The following ARB2A variants were observed in gnomAD, a reference collection of about 807,000 sequenced individuals.
The protein encoded by ARB2A is ARB2 cotranscriptional regulator A.
the ARB2A span, among the ~76,000 whole-genome samples, chr5:93,658,355 G>A: frequency 6.6e-6 from 1 of 151,958 alleles, no homozygotes; most frequent in South Asian, 2.1e-4. Flanking sequence ...AATCAATGTG[G>A]CCTCCCATGT....
At chr5:93,884,307 T>C in the ARB2A span, among the ~76,000 whole-genome samples, 2 of 151,602 alleles carry the variant, frequency 1.3e-5, no homozygotes, top group South Asian at 4.1e-4. Context: ...AAATCATAGA[T>C]TGAAAAATTA....
At chr5:93,881,508 G>A in the ARB2A span, 2 of 1,610,464 alleles carry the variant, frequency 1.2e-6, no homozygotes, top group South Asian at 1.1e-5. Flanking sequence ...TCTCTTTGGG[G>A]GTTACGATAC....
the ARB2A span, chr5:93,736,739 G>T: frequency 6.6e-6 from 1 of 152,004 alleles, no homozygotes; most frequent in African/African-American, 2.4e-5. Flanking sequence ...TTATTCCAGA[G>T]AAACTGTCAA....
the ARB2A span, chr5:93,861,830 C>CTTTTTTTT: frequency 6.6e-6 from 1 of 152,158 alleles, no homozygotes. Flanking sequence ...AATCCAGCCA[C>CTTTTTTTT]ATTTAAGTCT....
chr5:93,827,570 T>C, the ARB2A span, among the ~76,000 whole-genome samples: 1 of 152,184 alleles, frequency 6.6e-6, no homozygotes, highest in African/African-American at 2.4e-5. Flanking sequence ...GATGGTAGTT[T>C]CTTTTGCTGT....
chr5:93,747,479 A>G, the ARB2A span, among the ~76,000 whole-genome samples: 1 of 152,156 alleles, frequency 6.6e-6, no homozygotes, highest in African/African-American at 2.4e-5. Context: ...GTAGTACCAG[A>G]CAAAAAATTC....
the ARB2A span, among the ~76,000 whole-genome samples, chr5:93,970,156 T>TA: frequency 6.6e-6 from 1 of 152,014 alleles, no homozygotes; most frequent in Non-Finnish European, 1.5e-5. Context: ...CTACATAAGA[T>TA]AAAAAATTTC....
At chr5:93,809,971 T>C in the ARB2A span, among the ~76,000 whole-genome samples, 1 of 152,084 alleles carries the variant, frequency 6.6e-6, no homozygotes, top group Admixed American at 6.6e-5. Context: ...GTGATAAGCA[T>C]TGAGTAATGA....
the ARB2A span, among the ~76,000 whole-genome samples, chr5:93,832,270 T>C: frequency 6.6e-6 from 1 of 152,088 alleles, no homozygotes; most frequent in African/African-American, 2.4e-5. Flanking sequence ...GGCTTAAAAA[T>C]CTTATACCCC....
chr5:94,089,484 T>C, the ARB2A span, among the ~76,000 whole-genome samples: 10 of 152,168 alleles, frequency 6.6e-5, no homozygotes, highest in Non-Finnish European at 5.9e-5. Context: ...TATCGATAAA[T>C]TCGGACAGCT....
the ARB2A span, chr5:93,740,674 C>A: frequency 6.2e-7 from 1 of 1,613,910 alleles, no homozygotes; most frequent in Non-Finnish European, 8.5e-7. Flanking sequence ...CACTGGGAGC[C>A]CCAGTCCCAG....
the ARB2A span, among the ~76,000 whole-genome samples, chr5:94,089,321 G>A: frequency 6.6e-6 from 1 of 152,104 alleles, no homozygotes; most frequent in Non-Finnish European, 1.5e-5. Context: ...GACTGACAAA[G>A]AACTAGCACT....
At chr5:94,096,804 C>T in the ARB2A span, among the ~76,000 whole-genome samples, 2 of 152,014 alleles carry the variant, frequency 1.3e-5, no homozygotes, top group South Asian at 2.1e-4. Context: ...AGAGAAAGGA[C>T]GCAGACCCTG....
the ARB2A span, among the ~76,000 whole-genome samples, chr5:94,085,158 T>C: frequency 2.0e-5 from 3 of 152,240 alleles, no homozygotes; most frequent in African/African-American, 4.8e-5. Flanking sequence ...CACTACCTGA[T>C]CTTATACATG....
chr5:93,810,984 A>G, the ARB2A span, among the ~76,000 whole-genome samples: 3 of 152,172 alleles, frequency 2.0e-5, no homozygotes, highest in Non-Finnish European at 4.4e-5. Context: ...TAAGGGCTAC[A>G]TGAGTTAATA....
chr5:93,722,224 G>C, the ARB2A span, among the ~76,000 whole-genome samples: 2 of 152,110 alleles, frequency 1.3e-5, no homozygotes, highest in Non-Finnish European at 2.9e-5. Flanking sequence ...TGGATTTAAA[G>C]TCTGTGCTCT....
chr5:93,740,344 C>T, the ARB2A span: 1 of 513,922 alleles, frequency 1.9e-6, no homozygotes, highest in Admixed American at 3.5e-5. Flanking sequence ...ACCTTTAAAC[C>T]AATGCTAGGG....
the ARB2A span, among the ~76,000 whole-genome samples, chr5:93,803,821 C>T: frequency 0.044 from 6,600 of 151,720 alleles, 191 homozygotes; most frequent in Non-Finnish European, 0.061. Context: ...GAATAAACGT[C>T]CCTGGTCAGG....
chr5:94,026,763 G>T, the ARB2A span, among the ~76,000 whole-genome samples: 1 of 152,118 alleles, frequency 6.6e-6, no homozygotes, highest in Non-Finnish European at 1.5e-5. Context: ...TGGCTTGAAG[G>T]TTGGGTTTAA....
Sources: gnomAD v4.1 joint callset for allele counts (sites outside exome capture counted in the v4.1 genomes callset) on GRCh38, gnomAD v4.1.1 for gene constraint, MANE v1.5 for transcripts, NCBI Gene and HGNC (gene_info 2026-07-23, HGNC 2026-07-21) for gene names.